The following SCFD1 variants were observed in gnomAD, a reference collection of about 807,000 sequenced individuals.
The protein encoded by SCFD1 is sec1 family domain-containing protein 1.
Under a neutral mutation model 103.2 loss-of-function variants are expected in SCFD1, and 37 were observed. That is an observed-to-expected ratio of 0.36 (90% CI 0.28 to 0.47). The LOEUF (loss-of-function observed/expected upper bound fraction) is 0.47, where lower values mean the gene tolerates loss of function less well. Among genes scored for constraint, SCFD1 ranks in the 20% least tolerant of loss-of-function variants. SCFD1 has a pLI of 1.00. For missense variants in SCFD1, 639 were observed against 761.2 expected, an observed-to-expected ratio of 0.84 and a Z score of 1.89; for synonymous variants, 264 against 245.0, an observed-to-expected ratio of 1.08 and a Z score of -0.73.
chr14:30,728,083 T>C (rs1363641305), intron 23 of SCFD1, among the ~76,000 whole-genome samples: 2 of 152,112 alleles, frequency 1.3e-5, no homozygotes. Context: ...AAAAGAAAAA[T>C]GTTCAGAAAT....
intron 7 of SCFD1, chr14:30,643,920 T>G (rs1405589577): frequency 8.8e-6 from 4 of 456,496 alleles, no homozygotes; most frequent in Non-Finnish European, 1.8e-5. Flanking sequence ...ATGGGTAAAT[T>G]GCGTGTCACT....
chr14:30,734,460 T>C, intron 23 of SCFD1: 2 of 309,586 alleles, frequency 6.5e-6, no homozygotes, highest in Non-Finnish European at 1.3e-5. Context: ...CATCCTACAT[T>C]GGAAGAATGT....
chr14:30,675,927 G>T (rs772468009), intron 14 of SCFD1, among the ~76,000 whole-genome samples: 1 of 152,080 alleles, frequency 6.6e-6, no homozygotes, highest in Non-Finnish European at 1.5e-5. Flanking sequence ...TTACTATTAC[G>T]CCAACAACCT....
intron 10 of SCFD1, among the ~76,000 whole-genome samples, chr14:30,663,769 C>T (rs1477152939): frequency 6.6e-6 from 1 of 152,134 alleles, no homozygotes; most frequent in Non-Finnish European, 1.5e-5. Flanking sequence ...AGTCAGACTG[C>T]CTAGATTTTA....
chr14:30,733,169 C>G (rs541509835), intron 23 of SCFD1, among the ~76,000 whole-genome samples: 1 of 152,198 alleles, frequency 6.6e-6, no homozygotes, highest in South Asian at 2.1e-4. Flanking sequence ...GCCACCACAC[C>G]TGGCTAATTT....
chr14:30,653,486 C>T lies in SCFD1; in HGVS notation c.756-3C>T, dbSNP rs370842181. On this transcript the variant is annotated splice_region_variant and splice_polypyrimidine_tract_variant and intron_variant, in intron 9 of 24. Coordinates refer to ENST00000458591, the MANE Select transcript of SCFD1 (RefSeq NM_016106.4). ...TGTAATTTTTTTATATGTATATTTA[C>T]AGCTTCCAGAGGCCCTTATTAGTCC... 4 of 1,598,350 alleles carry T rather than the reference C, an allele frequency of 2.5e-6. No homozygotes were observed. The highest frequency in any genetic ancestry group is 1.3e-5 in the African/African-American group (1 of 74,436).
intron 14 of SCFD1, among the ~76,000 whole-genome samples, chr14:30,680,031 A>G (rs775146069): frequency 6.6e-6 from 1 of 152,200 alleles, no homozygotes; most frequent in Admixed American, 6.5e-5. Context: ...ATGACAAAAG[A>G]TAGCTCTTCA....
rs1883994996 is a variant in SCFD1 at position 30,630,504 on chromosome 14, G to T, written c.160G>T (p.Asp54Tyr). Residue 54 changes from aspartate (D) to tyrosine (Y), a missense_variant, in exon 3 of 25, where the codon GAT (aspartate) becomes TAT (tyrosine). Transcript: ENST00000458591. ...KVLIYDRFGQ[D>Y]IISPLLSVKE... ...ACTCATTTATGACAGATTTGGCCAAGATATAATCTCTCCTCTGCTATCTGT... is the reference window on the plus strand; with the variant it reads ...ACTCATTTATGACAGATTTGGCCAATATATAATCTCTCCTCTGCTATCTGT... 1 of 1,603,682 alleles carries T rather than the reference G, an allele frequency of 6.2e-7. No individual in the cohort carries two copies. The highest frequency in any genetic ancestry group is 1.3e-5 in the African/African-American group (1 of 74,430).
intron 14 of SCFD1, among the ~76,000 whole-genome samples, chr14:30,690,949 C>G (rs895511621): frequency 2.0e-5 from 3 of 151,850 alleles, no homozygotes; most frequent in African/African-American, 7.3e-5. Flanking sequence ...CTCTTATTAC[C>G]CAAACTGTAT....
chr14:30,672,971 C>T (rs758091982), intron 11 of SCFD1, among the ~76,000 whole-genome samples: 10 of 151,878 alleles, frequency 6.6e-5, no homozygotes, highest in Middle Eastern at 6.8e-3. Flanking sequence ...CTTCTAAAAA[C>T]GTATAAGTGA....
chr14:30,717,656 C>T (rs997606078), intron 20 of SCFD1, among the ~76,000 whole-genome samples: 1 of 151,932 alleles, frequency 6.6e-6, no homozygotes, highest in Non-Finnish European at 1.5e-5. Context: ...CTTTGGGAGG[C>T]CGAAGCAGGT....
At chr14:30,705,720 C>A in intron 17 of SCFD1, 103 bp from the exon 18 acceptor site, 1 of 799,674 alleles carries the variant, frequency 1.3e-6, no homozygotes, top group South Asian at 1.6e-5. Context: ...CAGAAAATGT[C>A]TGCATCATAG....
At chr14:30,724,034 A>G (rs1373893004) in intron 23 of SCFD1, among the ~76,000 whole-genome samples, 18 of 144,046 alleles carry the variant, frequency 1.2e-4, no homozygotes, top group Admixed American at 5.6e-4. Flanking sequence ...AGGGATGTGT[A>G]TAAGTGTTCC....
chr14:30,669,675 T>C (rs917241127), intron 10 of SCFD1: 9 of 152,248 alleles, frequency 5.9e-5, no homozygotes, highest in South Asian at 2.1e-4. Context: ...GCATCACTTA[T>C]TATTATAGCA....
intron 4 of SCFD1, chr14:30,634,742 A>G (rs1884542408): frequency 8.9e-6 from 4 of 451,098 alleles, no homozygotes; most frequent in South Asian, 4.7e-5. Flanking sequence ...GTCGCTGATC[A>G]TTCGTCTTTA....
rs534242123 is a variant in SCFD1, at chr14:30,641,644, A to G, written c.524-1672A>G. 2.6e-5 allele frequency among the ~76,000 whole-genome samples: 4 copies of G among 152,314 alleles called. No homozygotes were observed. The East Asian group carries it at 7.7e-4, about 29-fold the overall frequency. The stretch of plus-strand genomic sequence containing the variant: ...TAATGCAAATTGTATTCTTTATGAT[A>G]TTGATTTCTTCTGATTGAAATAGAT... On this transcript the variant is annotated intron_variant, in intron 6 of 24. Transcript: ENST00000458591.
intron 6 of SCFD1, among the ~76,000 whole-genome samples, chr14:30,642,627 T>G (rs992946715): frequency 3.9e-5 from 6 of 152,202 alleles, no homozygotes; most frequent in Non-Finnish European, 8.8e-5. Context: ...GTAATTTATT[T>G]GCATTTCCTT....
At chr14:30,658,049 G>A (rs1887075119) in intron 10 of SCFD1, 1 of 452,810 alleles carries the variant, frequency 2.2e-6, no homozygotes, top group East Asian at 7.0e-5. Context: ...GTAATTAGAA[G>A]CCCTGATTCT....
intron 10 of SCFD1, among the ~76,000 whole-genome samples, chr14:30,660,948 G>A (rs1002426767): frequency 1.2e-4 from 19 of 152,066 alleles, no homozygotes; most frequent in Non-Finnish European, 1.5e-5. Context: ...AGACCTGGCT[G>A]CATCCGTTTC....
Sources: allele counts gnomAD v4.1 joint callset (sites outside exome capture counted in the v4.1 genomes callset), GRCh38; gene constraint gnomAD v4.1.1; transcripts MANE v1.5; gene names NCBI Gene and HGNC (gene_info 2026-07-23, HGNC 2026-07-21).